The following SRFBP1 variants were observed in gnomAD, a reference collection of about 807,000 sequenced individuals.
SRFBP1 encodes serum response factor-binding protein 1.
A neutral mutation model predicts 45.5 loss-of-function variants in SRFBP1; 47 were observed. The ratio of observed to expected loss-of-function variants is 1.03; its 90% CI spans 0.82 to 1.32. The LOEUF (loss-of-function observed/expected upper bound fraction) is 1.32, where lower values mean the gene tolerates loss of function less well. SRFBP1 is among the 40% of genes most tolerant of loss of function. The probability of loss-of-function intolerance (pLI) is 0.00; values close to 1 mark genes in which losing one functional copy is unlikely to be tolerated. For missense variants in SRFBP1, 621 were observed against 484.6 expected (o/e 1.28, Z -2.64); for synonymous variants, 203 against 166.3 (o/e 1.22, Z -1.70).
intron 3 of SRFBP1, among the ~76,000 whole-genome samples, chr5:121,982,705 G>C (rs920009027): frequency 2.6e-5 from 4 of 151,690 alleles, no homozygotes; most frequent in African/African-American, 4.8e-5. Flanking sequence ...TTTAAATAAG[G>C]AACTGATTCT....
intron 3 of SRFBP1, among the ~76,000 whole-genome samples, chr5:121,977,771 T>C (rs1327945608): frequency 6.6e-6 from 1 of 152,108 alleles, no homozygotes; most frequent in African/African-American, 2.4e-5. Context: ...ATGACTTCTT[T>C]GTGAAGAAAT....
intron 2 of SRFBP1, among the ~76,000 whole-genome samples, chr5:122,042,119 A>G (rs1427250951): frequency 6.6e-6 from 1 of 151,712 alleles, no homozygotes; most frequent in Non-Finnish European, 1.5e-5. Context: ...TGCCTAGTGC[A>G]TTTTGACAAC....
chr5:121,978,472 C>T (rs1395111836), intron 3 of SRFBP1, among the ~76,000 whole-genome samples: 6 of 151,988 alleles, frequency 3.9e-5, no homozygotes, highest in East Asian at 1.9e-4. Context: ...GGTAAATATA[C>T]ACAGTAGCCT....
At chr5:122,060,283 A>C (rs114328647) in intron 2 of SRFBP1, among the ~76,000 whole-genome samples, 1 of 151,980 alleles carries the variant, frequency 6.6e-6, no homozygotes, top group Non-Finnish European at 1.5e-5. Context: ...GATTGTGTAG[A>C]TGTTGATTTT....
chr5:122,005,576 G>A (rs921246147), intron 4 of SRFBP1, among the ~76,000 whole-genome samples: 1 of 151,916 alleles, frequency 6.6e-6, no homozygotes, highest in African/African-American at 2.4e-5. Context: ...TCTTATTTTT[G>A]TTTTTGTTTT....
chr5:122,021,432 C>T (rs1753319218), intron 6 of SRFBP1, among the ~76,000 whole-genome samples: 1 of 152,118 alleles, frequency 6.6e-6, no homozygotes, highest in Non-Finnish European at 1.5e-5. Context: ...TCTTCAGTAA[C>T]AGCTATAAAC....
Position 121,974,262 on chromosome 5 carries a change from G to T in SRFBP1, c.103G>T (p.Val35Phe), listed in dbSNP as rs768345788. ...AGTTATCCGAAAACTTGTCAGGAGTGTTGGCCGACTGAAGTCAAAAAAGTT... is the reference window on the plus strand; with the variant it reads ...AGTTATCCGAAAACTTGTCAGGAGTTTTGGCCGACTGAAGTCAAAAAAGTT... ...VLVIRKLVRS[V>F]GRLKSKKGTE... Residue 35 changes from valine to phenylalanine, a missense_variant, in exon 2 of 8, where the codon GTT becomes TTT. Coordinates refer to ENST00000339397, the MANE Select transcript of SRFBP1 (RefSeq NM_152546.3). The T allele has an allele frequency of 6.2e-7, 1 of 1,611,242 alleles. No individual in the cohort carries two copies. Among genetic ancestry groups the T allele is most frequent in the Non-Finnish European group, 8.5e-7 (1 of 1,177,992 alleles).
intron 4 of SRFBP1, among the ~76,000 whole-genome samples, chr5:122,005,810 T>C (rs1227587862): frequency 6.6e-6 from 1 of 152,170 alleles, no homozygotes; most frequent in Non-Finnish European, 1.5e-5. Context: ...CTGTATACTT[T>C]TATTCCTCCT....
Position 122,019,341 on chromosome 5 carries a change from G to A in SRFBP1, c.352G>A (p.Ala118Thr). The change falls in exon 5 of 8, where the codon GCT becomes ACT. Residue 118 changes from alanine (A) to threonine (T), a missense_variant and splice_region_variant. By Grantham distance (58) the Ala-to-Thr change is moderately conservative. Transcript: ENST00000339397. Reference sequence around the variant, plus strand: ...GAAGAAAAAGATAGATGTGCTAAAAGGTATGAATTAAATGACTTTTAAGCC... The same window carrying A: ...GAAGAAAAAGATAGATGTGCTAAAAAGTATGAATTAAATGACTTTTAAGCC... ...LLKKKIDVLK[A>T]AVQAFKEARQ... The A allele has an allele frequency of 6.2e-7, 1 of 1,609,388 alleles. No homozygotes were observed. Among genetic ancestry groups the A allele is most frequent in the East Asian group, 2.2e-5 (1 of 44,586 alleles).
chr5:122,029,714 C>G (rs1039078135), downstream of SRFBP1, among the ~76,000 whole-genome samples: 41 of 152,216 alleles, frequency 2.7e-4, no homozygotes, highest in Admixed American at 2.6e-3. Flanking sequence ...TGTTTTTCTT[C>G]TGTCAGTTAC....
At chr5:122,074,038 C>A in intron 2 of SRFBP1, 1 of 1,614,040 alleles carries the variant, frequency 6.2e-7, no homozygotes, top group South Asian at 1.1e-5. Flanking sequence ...ACATGCAAAT[C>A]GCCTGTGGTA....
At chr5:122,031,086 A>G (rs1753582249), downstream of SRFBP1, among the ~76,000 whole-genome samples, 1 of 152,206 alleles carries the variant, frequency 6.6e-6, no homozygotes, top group African/African-American at 2.4e-5. Flanking sequence ...GGTGTGCCCC[A>G]ACACACAGAG....
rs186028768 is a variant in SRFBP1, at chr5:122,070,068, C to T, written n.312-5247C>T. 2.2e-5 allele frequency: 36 copies of T among 1,611,030 alleles called. No individual in the cohort carries two copies. Among genetic ancestry groups the T allele is most frequent in the Non-Finnish European group, 3.1e-5 (36 of 1,177,504 alleles). On this transcript the variant is annotated intron_variant and non_coding_transcript_variant, in intron 2 of 2. Transcript: ENST00000504881. ...TAACACTTACGGTGAAATTGTGCAG[C>T]CTGAGGCATACGCATGATGTCCTGT...
chr5:122,061,250 T>C (rs1754164447), intron 2 of SRFBP1, among the ~76,000 whole-genome samples: 1 of 151,816 alleles, frequency 6.6e-6, no homozygotes, highest in Non-Finnish European at 1.5e-5. Flanking sequence ...GACTCTATCG[T>C]TAAATTTGTC....
chr5:121,967,204 C>T (rs1752090188), intron 1 of SRFBP1, among the ~76,000 whole-genome samples: 3 of 152,080 alleles, frequency 2.0e-5, no homozygotes, highest in Admixed American at 1.3e-4. Context: ...AATGAGTTTC[C>T]TCCACATATT....
At chr5:121,988,509 G>GAGTC (rs974285467) in intron 3 of SRFBP1, among the ~76,000 whole-genome samples, 3 of 152,184 alleles carry the variant, frequency 2.0e-5, no homozygotes, top group African/African-American at 7.2e-5. Flanking sequence ...TCTCTCAGTG[G>GAGTC]AGTCATATGG....
chr5:122,077,205 A>T, downstream of SRFBP1: 2 of 1,478,902 alleles, frequency 1.4e-6, no homozygotes, highest in Non-Finnish European at 1.8e-6. The surrounding 1 kb of genome is among the most constrained non-coding windows in gnomAD (Gnocchi z 4.9). Flanking sequence ...CGCGGTTTGC[A>T]CTGGATTCCA....
intron 4 of SRFBP1, among the ~76,000 whole-genome samples, chr5:122,012,494 G>A (rs1461673207): frequency 1.3e-5 from 2 of 152,014 alleles, no homozygotes; most frequent in Admixed American, 1.3e-4. Context: ...TAATGTGTAT[G>A]TTAATAAGTT....
chr5:121,981,788 T>G (rs1752413321), intron 3 of SRFBP1, among the ~76,000 whole-genome samples: 1 of 151,986 alleles, frequency 6.6e-6, no homozygotes, highest in Non-Finnish European at 1.5e-5. Context: ...TTTTACTTTG[T>G]ATGTATTTCC....
Sources: allele counts gnomAD v4.1 joint callset (sites outside exome capture counted in the v4.1 genomes callset), GRCh38; gene constraint gnomAD v4.1.1; non-coding constraint Gnocchi (gnomAD v3.1); transcripts MANE v1.5; gene names NCBI Gene and HGNC (gene_info 2026-07-23, HGNC 2026-07-21).